Variants in EXOC6B observed in about 807,000 individuals in gnomAD.
EXOC6B encodes exocyst complex component 6B.
A neutral mutation model predicts 113.5 loss-of-function variants in EXOC6B; 54 were observed. The ratio of observed to expected loss-of-function variants is 0.48; its 90% CI spans 0.38 to 0.60. The LOEUF is 0.60. Among genes scored for constraint, EXOC6B ranks in the 20% least tolerant of loss-of-function variants. EXOC6B has a pLI of 0.00. For missense variants in EXOC6B, 797 were observed against 977.5 expected, an observed-to-expected ratio of 0.82 and a Z score of 2.46; for synonymous variants, 357 against 339.0, an observed-to-expected ratio of 1.05 and a Z score of -0.58.
At chr2:72,314,245 G>A (rs6742027) in intron 20 of EXOC6B, among the ~76,000 whole-genome samples, 9 of 152,050 alleles carry the variant, frequency 5.9e-5, no homozygotes, top group African/African-American at 1.9e-4. Flanking sequence ...TGTCACAATC[G>A]CCTGGTTATC....
At chr2:72,476,326 T>C (rs1050765314) in intron 17 of EXOC6B, among the ~76,000 whole-genome samples, 1 of 152,190 alleles carries the variant, frequency 6.6e-6, no homozygotes, top group African/African-American at 2.4e-5. Context: ...GTTTAGGCAT[T>C]TACTGTCACT....
intron 17 of EXOC6B, among the ~76,000 whole-genome samples, chr2:72,467,010 C>A (rs988518111): frequency 1.3e-5 from 2 of 152,154 alleles, no homozygotes; most frequent in African/African-American, 4.8e-5. Flanking sequence ...TATTCCCCAG[C>A]TCTGGTAACT....
chr2:72,539,222 C>A (rs753176708), intron 8 of EXOC6B, among the ~76,000 whole-genome samples: 6 of 152,128 alleles, frequency 3.9e-5, no homozygotes, highest in African/African-American at 7.2e-5. Context: ...GGGAGGGGAG[C>A]ATCTAACATA....
chr2:72,438,794 C>T (rs978016491), intron 18 of EXOC6B, among the ~76,000 whole-genome samples: 14 of 152,006 alleles, frequency 9.2e-5, no homozygotes, highest in Admixed American at 5.2e-4. Context: ...TCATTAACAC[C>T]TCAGGTCCTG....
At chr2:72,222,176 C>T (rs553883960) in intron 20 of EXOC6B, among the ~76,000 whole-genome samples, 5 of 152,182 alleles carry the variant, frequency 3.3e-5, no homozygotes, top group African/African-American at 1.2e-4. Flanking sequence ...CTGGATCCCA[C>T]TACCTGGTGT....
chr2:72,231,253 T>C (rs1299179886), intron 20 of EXOC6B, among the ~76,000 whole-genome samples: 1 of 152,132 alleles, frequency 6.6e-6, no homozygotes, highest in Non-Finnish European at 1.5e-5. Context: ...GGGAAATAGA[T>C]TAGTCAACAA....
intron 16 of EXOC6B, among the ~76,000 whole-genome samples, chr2:72,483,094 A>G (rs750529894): frequency 1.3e-5 from 2 of 152,204 alleles, no homozygotes; most frequent in African/African-American, 2.4e-5. Flanking sequence ...CAACCTTTTA[A>G]CTTTGGAGTG....
chr2:72,515,294 A>G, intron 8 of EXOC6B, 168 bp from the exon 9 acceptor site: 2 of 842,496 alleles, frequency 2.4e-6, no homozygotes, highest in Non-Finnish European at 3.6e-6. Context: ...AACTATTACC[A>G]TGTATTGAAC....
chr2:72,743,497 G>T (rs1681480106), intron 1 of EXOC6B, among the ~76,000 whole-genome samples: 1 of 151,736 alleles, frequency 6.6e-6, no homozygotes, highest in African/African-American at 2.4e-5. Flanking sequence ...TTTTGTTTTT[G>T]CAGTTCTTAT....
intron 1 of EXOC6B, among the ~76,000 whole-genome samples, chr2:72,767,808 T>TAAAAAA (rs34358568): frequency 0.013 from 162 of 12,684 alleles, 25 homozygotes; most frequent in Non-Finnish European, 0.017. Context: ...GAGACCTTGT[T>TAAAAAA]AAAAAAAAAA....
chr2:72,495,473 A>G lies in EXOC6B; in HGVS notation c.1510T>C (p.Phe504Leu), dbSNP rs1699987667. 1.2e-6 allele frequency: 2 copies of G among 1,608,680 alleles called. No individual in the cohort carries two copies. The highest frequency in any genetic ancestry group is 1.7e-6 in the Non-Finnish European group (2 of 1,177,218). Residue 504 changes from phenylalanine (F) to leucine (L), a missense_variant, in exon 15 of 22, where the codon TTT (phenylalanine) becomes CTT (leucine). Physicochemically the swap from Phe to Leu is conservative, Grantham distance 22. Transcript: ENST00000272427. ...GAAAACTTCAGACAAGCGTAGATAAATTCTTTAATTTGGTTGTAAACTTTT... is the reference window on the plus strand; with the variant it reads ...GAAAACTTCAGACAAGCGTAGATAAGTTCTTTAATTTGGTTGTAAACTTTT... ...VPKVYNQIKE[F>L]IYACLKFSED...
chr2:72,783,587 G>A (rs1684199301), intron 1 of EXOC6B, among the ~76,000 whole-genome samples: 1 of 151,902 alleles, frequency 6.6e-6, no homozygotes, highest in Non-Finnish European at 1.5e-5. Context: ...CTCCCAAAGT[G>A]CTGAGATTAC....
chr2:72,616,692 C>G (rs1671405317), intron 6 of EXOC6B, among the ~76,000 whole-genome samples: 2 of 152,046 alleles, frequency 1.3e-5, no homozygotes, highest in South Asian at 4.2e-4. Flanking sequence ...TTCAATTATC[C>G]CCCACCGAGT....
chr2:72,484,004 C>T (rs140496377), intron 16 of EXOC6B, among the ~76,000 whole-genome samples: 267 of 152,216 alleles, frequency 1.8e-3, no homozygotes, highest in African/African-American at 6.3e-3. Flanking sequence ...ATAAATCAAA[C>T]GACTATCTCT....
At chr2:72,513,043 A>T in intron 11 of EXOC6B, 89 bp downstream of exon 11, 1 of 1,447,058 alleles carries the variant, frequency 6.9e-7, no homozygotes, top group Non-Finnish European at 9.4e-7. Flanking sequence ...GATTCCAAAG[A>T]CATACATATG....
intron 18 of EXOC6B, among the ~76,000 whole-genome samples, chr2:72,446,905 T>A (rs915903154): frequency 4.6e-5 from 7 of 152,122 alleles, no homozygotes; most frequent in Non-Finnish European, 1.0e-4. Flanking sequence ...ATCAAGACCG[T>A]CCTGGCCAAC....
intron 6 of EXOC6B, among the ~76,000 whole-genome samples, chr2:72,699,537 T>C (rs1296162019): frequency 2.0e-5 from 3 of 151,690 alleles, no homozygotes; most frequent in African/African-American, 7.3e-5. Flanking sequence ...GCCACAGACT[T>C]CTTCATTAGG....
At position 72,248,611 on chromosome 2, in the gene EXOC6B, T is replaced by C. The variant is rs111261944; in HGVS notation, c.2197-64424A>G. ...CATCTTCACCTATAATTACACCTTGTATGGATCCTGCCTGTCTTGTTCATT... is the reference window on the plus strand; with the variant it reads ...CATCTTCACCTATAATTACACCTTGCATGGATCCTGCCTGTCTTGTTCATT... On this transcript the variant is annotated intron_variant, in intron 20 of 21. Transcript: ENST00000272427. Among the ~76,000 whole-genome samples the C allele has an allele frequency of 1.0e-3, 155 of 152,168 alleles. 2 individuals carry two copies. Among genetic ancestry groups the C allele is most frequent in the Non-Finnish European group, 2.0e-3 (139 of 68,020 alleles).
intron 6 of EXOC6B, among the ~76,000 whole-genome samples, chr2:72,676,381 T>G (rs1676316832): frequency 1.3e-5 from 2 of 152,208 alleles, no homozygotes; most frequent in South Asian, 4.1e-4. Context: ...ATAGAAATGT[T>G]GTAAACACTA....
Sources: allele counts gnomAD v4.1 joint callset (sites outside exome capture counted in the v4.1 genomes callset), GRCh38; gene constraint gnomAD v4.1.1; transcripts MANE v1.5; gene names NCBI Gene and HGNC (gene_info 2026-07-23, HGNC 2026-07-21).